EPS8L3: variants seen among roughly 807,000 people sequenced by gnomAD.
EPS8L3 encodes the protein epidermal growth factor receptor kinase substrate 8-like protein 3.
Under a neutral mutation model 88.5 loss-of-function variants are expected in EPS8L3, and 80 were observed. The ratio of observed to expected loss-of-function variants is 0.90; its 90% CI spans 0.75 to 1.09. EPS8L3 has a LOEUF of 1.09. Among genes scored for constraint, EPS8L3 ranks in the 50% least tolerant of loss-of-function variants. EPS8L3 has a pLI of 0.00. For missense variants in EPS8L3, 721 were observed against 735.2 expected, an observed-to-expected ratio of 0.98 and a Z score of 0.22; for synonymous variants, 286 against 291.0, an observed-to-expected ratio of 0.98 and a Z score of 0.18.
chr1:109,758,970 A>G, intron 6 of EPS8L3, 92 bp downstream of exon 6: 2 of 1,378,288 alleles, frequency 1.5e-6, no homozygotes, highest in Non-Finnish European at 1.0e-6. Flanking sequence ...TTGGGCCACA[A>G]CCTCCTGGGT....
intron 1 of EPS8L3, among the ~76,000 whole-genome samples, 185 bp from the exon 2 acceptor site, chr1:109,761,958 C>T (rs1038077240): frequency 6.6e-6 from 1 of 152,104 alleles, no homozygotes; most frequent in Non-Finnish European, 1.5e-5. Context: ...AGCCCTCCAT[C>T]CTGGCTGGGC....
chr1:109,758,466 G>T (rs1474038555), intron 7 of EPS8L3, 35 bp from the exon 8 acceptor site: 11 of 1,569,248 alleles, frequency 7.0e-6, no homozygotes, highest in Non-Finnish European at 9.5e-6. Context: ...CTAGATCTTA[G>T]ATCTTTGACT....
chr1:109,761,822 G>T, intron 1 of EPS8L3, 49 bp from the exon 2 acceptor site: 1 of 1,548,008 alleles, frequency 6.5e-7, no homozygotes, highest in Non-Finnish European at 8.9e-7. Flanking sequence ...GGGGAAAGGT[G>T]TACCAGGCAC....
intron 16 of EPS8L3, 139 bp downstream of exon 16, chr1:109,751,515 G>A: frequency 1.4e-6 from 2 of 1,406,026 alleles, no homozygotes; most frequent in Non-Finnish European, 2.0e-6. Context: ...CTGGCCCCAT[G>A]ATAAAGTTGG....
rs908033904 is a variant in EPS8L3, at chr1:109,759,943, C to G, written c.97-107G>C. ...AGAGGAAGAAGACGTGTCCTCGGCC[C>G]CCTTGAGGTAGGAGGTTCCAGGCTT... On this transcript the variant is annotated intron_variant, in intron 3 of 18. Coordinates refer to ENST00000361965, the MANE Select transcript of EPS8L3 (RefSeq NM_133181.4). This position sits in a 1 kb window ranked among gnomAD's most constrained non-coding sequence, Gnocchi z 4.2. 4 of 1,243,198 alleles carry G rather than the reference C, an allele frequency of 3.2e-6. No individual in the cohort carries two copies. The highest frequency in any genetic ancestry group is 3.0e-5 in the African/African-American group (2 of 66,806). The allele number at this position is 1,243,198 out of a possible 1,614,324, so 77.0% of individuals were successfully genotyped here. A position where few individuals can be genotyped will look rare whatever the true frequency, so the allele number is the denominator to read the frequency against.
At chr1:109,751,600 C>A in intron 16 of EPS8L3, 54 bp downstream of exon 16, 1 of 1,612,032 alleles carries the variant, frequency 6.2e-7, no homozygotes, top group South Asian at 1.1e-5. Context: ...ATCCTCCCCA[C>A]CCCGACCTCC....
chr1:109,750,703 G>C lies in EPS8L3; in HGVS notation c.1727C>G (p.Pro576Arg). 1 of 1,614,184 alleles carries C rather than the reference G, an allele frequency of 6.2e-7. No individual in the cohort carries two copies. Among genetic ancestry groups the C allele is most frequent in the South Asian group, 1.1e-5 (1 of 91,072 alleles). Residue 576 changes from proline to arginine, a missense_variant, in exon 18 of 19, where the codon CCA becomes CGA. Pro to Arg is a moderately radical substitution (Grantham distance 103). Transcript: ENST00000361965. ...ELQMLCPQEA[P>R]RILSRLEAVR... ...AGCCTCCAGCCGGGACAGGATTCGT[G>C]GGGCCTCCTGTGGACATAGCATCTG... is the stretch of plus-strand genomic sequence containing the variant.
At position 109,757,798 on chromosome 1, in the gene EPS8L3, C is replaced by T. The variant is rs1434023451; in HGVS notation, c.894+4G>A. 1 of 1,613,718 alleles carries T rather than the reference C, an allele frequency of 6.2e-7. No individual in the cohort carries two copies. The highest frequency in any genetic ancestry group is 8.5e-7 in the Non-Finnish European group (1 of 1,179,772). The stretch of plus-strand genomic sequence containing the variant: ...GCCTGGTGAACTTGTGGGGAGCCAC[C>T]TACCAGGAGGTTGAAGCTGTGCTTG... On this transcript the variant is annotated splice_donor_region_variant and intron_variant, in intron 10 of 18. Coordinates refer to ENST00000361965, the MANE Select transcript of EPS8L3 (RefSeq NM_133181.4).
chr1:109,750,802 A>C lies in EPS8L3; in HGVS notation c.1638-10T>G, dbSNP rs866491634. On this transcript the variant is annotated splice_polypyrimidine_tract_variant and intron_variant, in intron 17 of 18. Coordinates refer to ENST00000361965, the MANE Select transcript of EPS8L3 (RefSeq NM_133181.4). ...AAGTGTCCTCACCGTGCTGTGAACA[A>C]AACAGCAAAAGCCATCCGTGGTGGG... The C allele has an allele frequency of 3.1e-6, 5 of 1,614,094 alleles. No homozygotes were observed. The highest frequency in any genetic ancestry group is 4.2e-6 in the Non-Finnish European group (5 of 1,179,962).
At position 109,750,208 on chromosome 1, in the gene EPS8L3, A is replaced by G. The variant is rs576806025; in HGVS notation, c.*183T>C. 5.9e-5 allele frequency: 41 copies of G among 691,964 alleles called. 1 individual carries two copies. Among genetic ancestry groups the G allele is most frequent in the South Asian group, 5.9e-4 (31 of 52,444 alleles). The allele number at this position is 691,964 out of a possible 1,614,324, so 42.9% of individuals were successfully genotyped here. The stretch of plus-strand genomic sequence containing the variant: ...GTGGTTACTGGGGAGGCTCCAACAC[A>G]GCCAGAAGGGACACTGTTTGCTTCA... On this transcript the variant is annotated 3_prime_UTR_variant, in exon 19 of 19. Transcript: ENST00000361965.
intron 11 of EPS8L3, 76 bp from the exon 12 acceptor site, chr1:109,757,241 C>T (rs2101470623): frequency 6.8e-7 from 1 of 1,462,746 alleles, no homozygotes; most frequent in East Asian, 2.4e-5. Flanking sequence ...GCCCAGAGTC[C>T]CTGGCTTCCC....
chr1:109,762,562 G>T (rs1651093030), intron 1 of EPS8L3, among the ~76,000 whole-genome samples: 1 of 152,196 alleles, frequency 6.6e-6, no homozygotes, highest in African/African-American at 2.4e-5. Flanking sequence ...CCACGGTGCT[G>T]TGAGCCTGGT....
At chr1:109,763,555 G>A (rs1045684341) in intron 1 of EPS8L3, among the ~76,000 whole-genome samples, 4 of 152,168 alleles carry the variant, frequency 2.6e-5, no homozygotes, top group African/African-American at 7.2e-5. Context: ...AGCCCTAGAT[G>A]TAGGGGTTTG....
chr1:109,752,330 G>T, intron 14 of EPS8L3, 137 bp from the exon 15 acceptor site: 2 of 858,102 alleles, frequency 2.3e-6, no homozygotes, highest in Non-Finnish European at 3.6e-6. Context: ...TTTGCTGGCA[G>T]GTCAGTGTTA....
chr1:109,752,115 G>T lies in EPS8L3; in HGVS notation c.1314C>A (p.Asp438Glu). 11 of 1,614,136 alleles carry T rather than the reference G, an allele frequency of 6.8e-6. No individual in the cohort carries two copies. Among genetic ancestry groups the T allele is most frequent in the Non-Finnish European group, 9.3e-6 (11 of 1,180,014 alleles). Residue 438 changes from aspartate to glutamate, a missense_variant, in exon 15 of 19, where the codon GAC becomes GAA. Transcript: ENST00000361965. The stretch of plus-strand genomic sequence containing the variant: ...TGGGGCTGGAGGGCCTGGAGTTGGG[G>T]TCCCCAGGCTGAGGGTCATGGTTGT... Reference protein sequence around the residue: ...KTHNHDPQPGDPNSRPSSPKP... With the variant: ...KTHNHDPQPGEPNSRPSSPKP...
chr1:109,763,507 G>A (rs949374126), intron 1 of EPS8L3, among the ~76,000 whole-genome samples: 2 of 152,172 alleles, frequency 1.3e-5, no homozygotes, highest in African/African-American at 4.8e-5. Flanking sequence ...TTGCCCCTTA[G>A]GGGTAGGGGA....
intron 14 of EPS8L3, among the ~76,000 whole-genome samples, 177 bp downstream of exon 14, chr1:109,752,509 A>T (rs1329099884): frequency 6.6e-6 from 1 of 152,184 alleles, no homozygotes; most frequent in East Asian, 1.9e-4. Context: ...ATGGGAGCCT[A>T]GGAGGGTAGA....
At position 109,757,177 on chromosome 1, in the gene EPS8L3, A is replaced by G. The variant is rs756927912; in HGVS notation, c.970-12T>C. On this transcript the variant is annotated splice_polypyrimidine_tract_variant and intron_variant, in intron 11 of 18. Transcript: ENST00000361965. ...CACCTGGCCAGGATCTAGGGGAGAG[A>G]TGGAAGGTGTCAGGAAGCCTAGGCT... The G allele has an allele frequency of 5.6e-6, 9 of 1,597,172 alleles. No individual in the cohort carries two copies. In the Admixed American group the frequency reaches 1.2e-4, roughly 21 times the overall value.
intron 14 of EPS8L3, 28 bp downstream of exon 14, chr1:109,752,658 C>T (rs538680841): frequency 6.3e-5 from 98 of 1,548,322 alleles, no homozygotes; most frequent in Non-Finnish European, 8.0e-5. Flanking sequence ...CCCAGGACCA[C>T]GCAGTCCCTA....
Sources: allele counts gnomAD v4.1 joint callset (sites outside exome capture counted in the v4.1 genomes callset), GRCh38; gene constraint gnomAD v4.1.1; non-coding constraint Gnocchi (gnomAD v3.1); transcripts MANE v1.5; gene names NCBI Gene and HGNC (gene_info 2026-07-23, HGNC 2026-07-21).